TMEM182: variants seen among roughly 807,000 people sequenced by gnomAD.
TMEM182 encodes the protein transmembrane protein 182.
TMEM182 carries 20 observed loss-of-function variants against 26.8 expected under a neutral mutation model. The observed-to-expected ratio is 0.75, with a 90% confidence interval of 0.53 to 1.09. The LOEUF is 1.09. Among genes scored for constraint, TMEM182 ranks in the 50% least tolerant of loss-of-function variants. The pLI is 0.00. For synonymous variants in TMEM182, 109 were observed against 102.2 expected, an observed-to-expected ratio of 1.07 and a Z score of -0.40; for missense variants, 277 against 275.5, an observed-to-expected ratio of 1.01 and a Z score of -0.04.
intron 4 of TMEM182, among the ~76,000 whole-genome samples, chr2:102,805,326 T>C (rs977758489): frequency 1.3e-5 from 2 of 152,074 alleles, no homozygotes; most frequent in Non-Finnish European, 2.9e-5. Context: ...ACATCTTAGT[T>C]GGGTGAAGGC....
intron 4 of TMEM182, among the ~76,000 whole-genome samples, chr2:102,803,432 A>G (rs1252381962): frequency 6.6e-6 from 1 of 152,206 alleles, no homozygotes; most frequent in Non-Finnish European, 1.5e-5. Context: ...TAGTAGATAT[A>G]AAGGGAATAG....
At chr2:102,841,357 T>G (rs1035686399) in intron 3 of TMEM182, among the ~76,000 whole-genome samples, 3 of 152,152 alleles carry the variant, frequency 2.0e-5, no homozygotes, top group African/African-American at 7.2e-5. Flanking sequence ...CAAAGCTCTA[T>G]GGCCCTGCAA....
chr2:102,809,267 A>G (rs1308022073), intron 4 of TMEM182, among the ~76,000 whole-genome samples: 1 of 152,216 alleles, frequency 6.6e-6, no homozygotes, highest in Non-Finnish European at 1.5e-5. Context: ...GTCCCTGTGC[A>G]GATCTGCAGA....
At chr2:102,765,763 T>G (rs2732842) in intron 3 of TMEM182, among the ~76,000 whole-genome samples, 1 of 151,994 alleles carries the variant, frequency 6.6e-6, no homozygotes, top group Non-Finnish European at 1.5e-5. Context: ...CAGCTGTGCT[T>G]GTCCACCAGG....
At position 102,816,127 on chromosome 2, in the gene TMEM182, T is replaced by A. The variant is rs1050170103; in HGVS notation, c.*1159T>A. ...TATTCAGTAGCATAGACATTTTGCA[T>A]ATCAAAGATGTTCATTTGGCACTAA... On this transcript the variant is annotated 3_prime_UTR_variant, in exon 5 of 5. Coordinates refer to ENST00000412401, the MANE Select transcript of TMEM182 (RefSeq NM_144632.5). 1 of 985,338 alleles carries A rather than the reference T, an allele frequency of 1.0e-6. No individual in the cohort carries two copies. The highest frequency in any genetic ancestry group is 1.2e-6 in the Non-Finnish European group (1 of 829,954). 61.0% of individuals were successfully genotyped at this position (985,338 alleles called of 1,614,324 possible). A position where few individuals can be genotyped will look rare whatever the true frequency, so the allele number is the denominator to read the frequency against.
chr2:102,793,258 C>T (rs535598114), intron 3 of TMEM182, among the ~76,000 whole-genome samples: 24 of 152,282 alleles, frequency 1.6e-4, no homozygotes, highest in African/African-American at 5.5e-4. Flanking sequence ...TATCTGCTCC[C>T]ATTTACTGAT....
chr2:102,770,669 AACCGCAC>A lies in TMEM182; in HGVS notation c.331+6245_331+6251del, dbSNP rs546052163. On this transcript the variant is annotated intron_variant, in intron 3 of 4. Transcript: ENST00000412401. ...TTGTATCAGAATGATGGGAATGTGA[AACCGCAC>A]ACGGATGCTTGGGGAGTGAGCAGTG... Among the ~76,000 whole-genome samples the A allele has an allele frequency of 3.4e-3, 518 of 152,300 alleles. 2 individuals carry two copies. Among genetic ancestry groups the A allele is most frequent in the African/African-American group, 0.012 (500 of 41,566 alleles).
At chr2:102,843,750 A>T (rs139537344) in exon 4 of TMEM182, 4 of 152,300 alleles carry the variant, frequency 2.6e-5, no homozygotes, top group Non-Finnish European at 5.9e-5. Context: ...TTTCTCTCCT[A>T]CTATACCATG....
At chr2:102,761,327 G>T (rs2540299), upstream of TMEM182, among the ~76,000 whole-genome samples, 48,050 of 151,932 alleles carry the variant, frequency 0.32, 8,473 homozygotes, top group African/African-American at 0.48. Context: ...AAAAGAAGTC[G>T]ATCAGGTTAT....
At chr2:102,822,662 T>A (rs1682948272), downstream of TMEM182, among the ~76,000 whole-genome samples, 1 of 152,090 alleles carries the variant, frequency 6.6e-6, no homozygotes. Flanking sequence ...TAGAAGGGAA[T>A]GTGGGATCAA....
At chr2:102,819,135 A>G (rs968069786), downstream of TMEM182, among the ~76,000 whole-genome samples, 3 of 152,216 alleles carry the variant, frequency 2.0e-5, no homozygotes, top group South Asian at 6.2e-4. Flanking sequence ...GTCTTTTTAT[A>G]TGACAATTCA....
chr2:102,762,139 G>C lies in TMEM182; in HGVS notation c.-79G>C. The C allele has an allele frequency of 2.6e-6, 2 of 778,512 alleles. No individual in the cohort carries two copies. The highest frequency in any genetic ancestry group is 3.8e-5 in the Admixed American group (1 of 26,264). The allele number at this position is 778,512 out of a possible 1,614,324, so 48.2% of individuals were successfully genotyped here. On this transcript the variant is annotated 5_prime_UTR_variant, in exon 1 of 5. Coordinates refer to ENST00000412401, the MANE Select transcript of TMEM182 (RefSeq NM_144632.5). ...ATATTATTCTTTTTTTTTTTTTTTT[G>C]CTGTTGTTTCTGAGAAACTAGGTGT...
At chr2:102,798,817 ATGACAGAGCGAGACTTTGTC>A (rs746614242) in intron 4 of TMEM182, among the ~76,000 whole-genome samples, 42 of 152,072 alleles carry the variant, frequency 2.8e-4, no homozygotes, top group Non-Finnish European at 5.1e-4. Context: ...TTCAGCCTGG[ATGACAGAGCGAGACTTTGTC>A]TAAAAAAAAA....
chr2:102,797,267 G>A lies in TMEM182; in HGVS notation c.332-596G>A, dbSNP rs1469622245. 4.6e-5 allele frequency among the ~76,000 whole-genome samples: 7 copies of A among 152,238 alleles called. No individual in the cohort carries two copies. In the Middle Eastern group the frequency reaches 0.01, roughly 223 times the overall value. ...ATTTGCTTGGAAAGCATAGCTAAAC[G>A]AACTTCTTTTATGGTTTTGCTTGTC... is the stretch of plus-strand genomic sequence containing the variant. On this transcript the variant is annotated intron_variant, in intron 3 of 4. Coordinates refer to ENST00000412401, the MANE Select transcript of TMEM182 (RefSeq NM_144632.5).
chr2:102,762,198 A>G lies in TMEM182; in HGVS notation c.-20A>G, dbSNP rs753102025. On this transcript the variant is annotated 5_prime_UTR_variant, in exon 1 of 5. Coordinates refer to ENST00000412401, the MANE Select transcript of TMEM182 (RefSeq NM_144632.5). Reference sequence around the variant, plus strand: ...TTTAAAATTTCATATTTTATTTAAAAGGAAACCAGTGAATTGAAAATGAGA... The same window carrying G: ...TTTAAAATTTCATATTTTATTTAAAGGGAAACCAGTGAATTGAAAATGAGA... 5.6e-6 allele frequency: 9 copies of G among 1,601,196 alleles called. No homozygotes were observed. In the African/African-American group the frequency reaches 1.2e-4, roughly 22 times the overall value.
chr2:102,834,347 A>G (rs575808101), intron 3 of TMEM182: 3 of 981,906 alleles, frequency 3.1e-6, no homozygotes, highest in African/African-American at 3.5e-5. Context: ...TTTTCTGTAT[A>G]TTGTAACATT....
chr2:102,779,495 C>A (rs1681068809), intron 3 of TMEM182, among the ~76,000 whole-genome samples: 1 of 152,082 alleles, frequency 6.6e-6, no homozygotes, highest in South Asian at 2.1e-4. Context: ...ACAGATCTGT[C>A]AGTTTTTGTT....
chr2:102,784,905 G>C (rs890857602), intron 3 of TMEM182, among the ~76,000 whole-genome samples: 1 of 152,068 alleles, frequency 6.6e-6, no homozygotes, highest in South Asian at 2.1e-4. Context: ...TTATCAGCAA[G>C]GTCTTTATGA....
At chr2:102,798,679 A>C (rs1681985697) in intron 4 of TMEM182, among the ~76,000 whole-genome samples, 1 of 152,002 alleles carries the variant, frequency 6.6e-6, no homozygotes, top group Non-Finnish European at 1.5e-5. Context: ...TTTCTACTAA[A>C]AATACAAAAA....
Sources: allele counts gnomAD v4.1 joint callset (sites outside exome capture counted in the v4.1 genomes callset), GRCh38; gene constraint gnomAD v4.1.1; transcripts MANE v1.5; gene names NCBI Gene and HGNC (gene_info 2026-07-23, HGNC 2026-07-21).